Variants in LYRM4 observed in about 807,000 individuals in gnomAD.
LYRM4 encodes the protein LYR motif-containing protein 4.
Under a neutral mutation model 11.7 loss-of-function variants are expected in LYRM4, and 9 were observed. The ratio of observed to expected loss-of-function variants is 0.77; its 90% CI spans 0.46 to 1.34. The LOEUF (loss-of-function observed/expected upper bound fraction) is 1.34. Ranked by LOEUF, LYRM4 falls within the 40% of genes most tolerant of loss-of-function variation. The pLI, the probability that LYRM4 is intolerant of heterozygous loss-of-function variation, is 0.00. For missense variants in LYRM4, 133 were observed against 112.5 expected (o/e 1.18, Z -0.82); for synonymous variants, 42 against 40.4 (o/e 1.04, Z -0.15).
At chr6:5,075,448 T>C in the LYRM4 span, among the ~76,000 whole-genome samples, 2 of 152,182 alleles carry the variant, frequency 1.3e-5, no homozygotes, top group South Asian at 2.1e-4. Flanking sequence ...TCAGATTATG[T>C]TGGGGTGAGG....
chr6:5,078,252 T>C, the LYRM4 span, among the ~76,000 whole-genome samples: 1 of 151,760 alleles, frequency 6.6e-6, no homozygotes, highest in Non-Finnish European at 1.5e-5. Flanking sequence ...TTTTTTTTTT[T>C]AATCAAAAGC....
At chr6:5,213,189 G>A (rs1438383565) in intron 2 of LYRM4, among the ~76,000 whole-genome samples, 3 of 152,208 alleles carry the variant, frequency 2.0e-5, no homozygotes, top group African/African-American at 7.2e-5. Flanking sequence ...TAGAAGACCT[G>A]AGCTCACGCC....
the LYRM4 span, among the ~76,000 whole-genome samples, chr6:5,092,956 T>C: frequency 6.6e-6 from 1 of 152,248 alleles, no homozygotes; most frequent in Non-Finnish European, 1.5e-5. Context: ...TGTAAAAGCA[T>C]AGATCCAACT....
intron 2 of LYRM4, among the ~76,000 whole-genome samples, chr6:5,174,337 T>G (rs1286129475): frequency 6.6e-6 from 1 of 152,146 alleles, no homozygotes; most frequent in Non-Finnish European, 1.5e-5. Flanking sequence ...GCATCAGCTG[T>G]GTTACTAAGG....
rs611558 is a variant in LYRM4, at chr6:5,118,100, G to T, written c.208-8609C>A. The stretch of plus-strand genomic sequence containing the variant: ...AAACAATATATATATATATATTTTT[G>T]TTTTGTTTTGTTTTGTTTTTTTTTT... On this transcript the variant is annotated intron_variant, in intron 2 of 2. Transcript: ENST00000330636. Among the ~76,000 whole-genome samples, 330 of 95,098 alleles carry T rather than the reference G, an allele frequency of 3.5e-3. 2 individuals carry two copies. Among genetic ancestry groups the T allele is most frequent in the South Asian group, 8.1e-3 (21 of 2,586 alleles). The allele number at this position is 95,098 out of a possible 152,430, so 62.4% of individuals were successfully genotyped here. A position where few individuals can be genotyped will look rare whatever the true frequency, so the allele number is the denominator to read the frequency against.
intron 1 of LYRM4, chr6:5,218,109 G>A (rs776714094): frequency 1.2e-4 from 51 of 421,092 alleles, no homozygotes; most frequent in Non-Finnish European, 1.4e-4. Context: ...GACTTGCTGC[G>A]TTGCCCAGGC....
the LYRM4 span, chr6:5,066,116 C>T: frequency 2.0e-6 from 1 of 500,448 alleles, no homozygotes; most frequent in South Asian, 1.9e-5. Flanking sequence ...TGTAATAGCT[C>T]CAATAATTCC....
the LYRM4 span, among the ~76,000 whole-genome samples, chr6:5,052,283 A>G: frequency 6.6e-6 from 1 of 152,310 alleles, no homozygotes; most frequent in East Asian, 1.9e-4. Flanking sequence ...ATGATTCAAG[A>G]GAGTAATGTA....
At chr6:5,167,794 A>AT (rs552771252) in intron 2 of LYRM4, among the ~76,000 whole-genome samples, 6 of 151,122 alleles carry the variant, frequency 4.0e-5, no homozygotes, top group East Asian at 1.9e-4. Context: ...AATACATTGC[A>AT]TTTTTTTTTA....
intron 1 of LYRM4, among the ~76,000 whole-genome samples, chr6:5,224,908 C>T (rs1169441572): frequency 6.6e-6 from 1 of 151,698 alleles, no homozygotes; most frequent in Non-Finnish European, 1.5e-5. Context: ...TGCAATGAGC[C>T]GAGATTGCGC....
chr6:5,222,491 T>C (rs1265145535), intron 1 of LYRM4, among the ~76,000 whole-genome samples: 2 of 152,138 alleles, frequency 1.3e-5, no homozygotes, highest in Non-Finnish European at 1.5e-5. Flanking sequence ...TGACAAGATC[T>C]GTAGATAAAG....
intron 2 of LYRM4, among the ~76,000 whole-genome samples, chr6:5,179,428 C>T (rs1284853364): frequency 2.0e-5 from 3 of 152,178 alleles, no homozygotes; most frequent in Admixed American, 1.3e-4. Flanking sequence ...CAGTCTCCCC[C>T]AACCCCTCAT....
At chr6:5,034,669 G>GCT in the LYRM4 span, 71 of 150,176 alleles carry the variant, frequency 4.7e-4, no homozygotes, top group African/African-American at 1.7e-3. Flanking sequence ...CTGGCACCAT[G>GCT]CTTCCTGTAC....
intron 2 of LYRM4, chr6:5,136,944 A>G: frequency 1.7e-6 from 1 of 601,670 alleles, no homozygotes; most frequent in Non-Finnish European, 2.1e-6. Flanking sequence ...TCAATTTTAG[A>G]GCATTTTCAT....
intron 2 of LYRM4, among the ~76,000 whole-genome samples, chr6:5,170,285 T>C (rs1268316139): frequency 6.6e-6 from 1 of 152,174 alleles, no homozygotes; most frequent in African/African-American, 2.4e-5. Context: ...AAACCAATCA[T>C]TAGGAAATAG....
At chr6:5,069,568 C>T in the LYRM4 span, among the ~76,000 whole-genome samples, 6 of 152,010 alleles carry the variant, frequency 3.9e-5, no homozygotes, top group African/African-American at 1.4e-4. Context: ...GCAACCTCCA[C>T]CTCCCGGGTT....
the LYRM4 span, chr6:5,086,372 G>A: frequency 9.4e-5 from 145 of 1,536,086 alleles, no homozygotes; most frequent in African/African-American, 1.8e-3. Flanking sequence ...AAAGAGCCAG[G>A]CGCCGAGTGC....
chr6:5,260,694 G>C lies in LYRM4; in HGVS notation c.40C>G (p.Arg14Gly). 6.5e-7 allele frequency: 1 copy of C among 1,533,794 alleles called. No homozygotes were observed. Among genetic ancestry groups the C allele is most frequent in the Non-Finnish European group, 8.8e-7 (1 of 1,137,892 alleles). ...CGCTTGCTCTCTCTCAGCATCGCCC[G>C]GTACAGAGATAACACTTGTGCGCGA... is the stretch of plus-strand genomic sequence containing the variant. ...SSRAQVLSLYRAMLRESKRFS... is the reference protein window; with the variant it reads ...SSRAQVLSLYGAMLRESKRFS... Residue 14 changes from arginine to glycine, a missense_variant, in exon 1 of 3, where the codon CGG becomes GGG. Physicochemically the swap from Arg to Gly is moderately radical, Grantham distance 125 (BLOSUM62 -2). Coordinates refer to ENST00000330636, the MANE Select transcript of LYRM4 (RefSeq NM_020408.6).
intron 2 of LYRM4, among the ~76,000 whole-genome samples, chr6:5,178,804 CAAAAAAA>C (rs56880549): frequency 6.7e-5 from 2 of 30,026 alleles, no homozygotes; most frequent in African/African-American, 2.0e-4. Flanking sequence ...GACTCTGTCT[CAAAAAAA>C]AAAAAAAAAA....
Sources: gnomAD v4.1 joint callset for allele counts (sites outside exome capture counted in the v4.1 genomes callset) on GRCh38, gnomAD v4.1.1 for gene constraint, MANE v1.5 for transcripts, NCBI Gene and HGNC (gene_info 2026-07-23, HGNC 2026-07-21) for gene names.